PECAM1: variants seen among roughly 807,000 people sequenced by gnomAD.
PECAM1 encodes platelet and endothelial cell adhesion molecule 1.
Under a neutral mutation model 13.8 loss-of-function variants are expected in PECAM1, and 8 were observed. The ratio of observed to expected loss-of-function variants is 0.58; its 90% CI spans 0.34 to 1.05. The LOEUF is 1.05. PECAM1 is among the 50% of genes least tolerant of loss of function. The pLI, the probability that PECAM1 is intolerant of heterozygous loss-of-function variation, is 0.03. For synonymous variants in PECAM1, 136 were observed against 52.6 expected (o/e 2.58, Z -6.86); for missense variants, 304 against 141.2 (o/e 2.15, Z -5.84).
At chr17:64,381,675 G>A (rs2036483511) in intron 2 of PECAM1, among the ~76,000 whole-genome samples, 2 of 152,300 alleles carry the variant, frequency 1.3e-5, no homozygotes, top group African/African-American at 4.8e-5. Flanking sequence ...TCCATGAGAT[G>A]AAACAAGGTG....
intron 5 of PECAM1, among the ~76,000 whole-genome samples, chr17:64,366,039 C>A (rs1401176755): frequency 6.6e-6 from 1 of 151,588 alleles, no homozygotes; most frequent in Admixed American, 6.6e-5. Flanking sequence ...AACAGGCAAC[C>A]TACAAAATGG....
intron 2 of PECAM1, chr17:64,379,126 C>A (rs1386627073): frequency 6.6e-6 from 1 of 152,208 alleles, no homozygotes; most frequent in Non-Finnish European, 1.5e-5. Context: ...CCTCTGCCAA[C>A]GGCAGGAATC....
intron 7 of PECAM1, among the ~76,000 whole-genome samples, chr17:64,358,799 A>G (rs2035905622): frequency 1.3e-5 from 2 of 150,712 alleles, no homozygotes; most frequent in African/African-American, 4.9e-5. Flanking sequence ...TGTTAATGTT[A>G]ATTTTTTTTT....
Position 64,390,469 on chromosome 17 carries a change from A to G in PECAM1, c.91+20T>C. ...GAAGCCAGGTAGAAACATCTGTTAC[A>G]GTGGAAACATCAGACTTACAGTTTT... is the stretch of plus-strand genomic sequence containing the variant. On this transcript the variant is annotated intron_variant, in intron 2 of 15. Coordinates refer to ENST00000563924, the MANE Select transcript of PECAM1 (RefSeq NM_000442.5). The G allele has an allele frequency of 4.2e-6, 2 of 472,830 alleles. No individual in the cohort carries two copies. Among genetic ancestry groups the G allele is most frequent in the Non-Finnish European group, 7.8e-6 (2 of 257,812 alleles). 29.3% of individuals were successfully genotyped at this position (472,830 alleles called of 1,614,324 possible).
At chr17:64,333,412 G>T (rs1372256770) in intron 14 of PECAM1, among the ~76,000 whole-genome samples, 1 of 152,084 alleles carries the variant, frequency 6.6e-6, no homozygotes, top group Non-Finnish European at 1.5e-5. Flanking sequence ...TCTGGCCAGG[G>T]TTTCTCCATG....
intron 13 of PECAM1, among the ~76,000 whole-genome samples, chr17:64,347,360 A>G (rs1248293363): frequency 6.6e-6 from 1 of 151,160 alleles, no homozygotes; most frequent in Non-Finnish European, 1.5e-5. Flanking sequence ...TCTACTAAAA[A>G]TACAAAAAAA....
chr17:64,332,482 T>C (rs1555646970), intron 14 of PECAM1, among the ~76,000 whole-genome samples: 1 of 152,240 alleles, frequency 6.6e-6, no homozygotes, highest in Non-Finnish European at 1.5e-5. Context: ...AGTTCTTGTT[T>C]TTTTGGTAAC....
In PECAM1 at chr17:64,322,921, G is replaced by C. The variant is rs2034842169; in HGVS notation, c.*895C>G. The C allele has an allele frequency of 2.4e-6, 1 of 416,998 alleles. No individual in the cohort carries two copies. Among genetic ancestry groups the C allele is most frequent in the Non-Finnish European group, 3.2e-6 (1 of 310,672 alleles). The allele number at this position is 416,998 out of a possible 1,614,324, so 25.8% of individuals were successfully genotyped here. The stretch of plus-strand genomic sequence containing the variant: ...AGTAGAGACAGGGTTTCATCAGGCT[G>C]GTCTCAAACTCCTGACCTCAGGTGA... On this transcript the variant is annotated 3_prime_UTR_variant, in exon 16 of 16. Coordinates refer to ENST00000563924, the MANE Select transcript of PECAM1 (RefSeq NM_000442.5).
intron 7 of PECAM1, among the ~76,000 whole-genome samples, chr17:64,358,502 C>G (rs1178086508): frequency 6.6e-6 from 1 of 152,132 alleles, no homozygotes; most frequent in Admixed American, 6.5e-5. Context: ...GCCTTCTCTG[C>G]CCACCCATTC....
intron 3 of PECAM1, among the ~76,000 whole-genome samples, chr17:64,376,845 G>A (rs900624328): frequency 7.2e-5 from 11 of 152,058 alleles, no homozygotes; most frequent in Admixed American, 1.3e-4. Flanking sequence ...GCACAGTGGC[G>A]CGTGCCTGTA....
At position 64,375,343 on chromosome 17, in the gene PECAM1, G is replaced by A. The variant is rs2036332392; in HGVS notation, c.399C>T (p.Pro133=). The A allele has an allele frequency of 2.1e-6, 1 of 472,754 alleles. No individual in the cohort carries two copies. The highest frequency in any genetic ancestry group is 3.9e-6 in the Non-Finnish European group (1 of 258,086). The allele number at this position is 472,754 out of a possible 1,614,324, so 29.3% of individuals were successfully genotyped here. A position where few individuals can be genotyped will look rare whatever the true frequency, so the allele number is the denominator to read the frequency against. Residue 133 remains proline (P), a synonymous_variant, in exon 4 of 16, where the codon CCC becomes CCT. Coordinates refer to ENST00000563924, the MANE Select transcript of PECAM1 (RefSeq NM_000442.5). Reference sequence around the variant, plus strand: ...CCTCTTTCTTGTCCAGTGTCACCCTGGGACTGGGCACTCCTACGGGGAAAG... The same window carrying A: ...CCTCTTTCTTGTCCAGTGTCACCCTAGGACTGGGCACTCCTACGGGGAAAG... ...YQVLVEGVPS[P]RVTLDKKEAI...
At chr17:64,390,049 AAAAAG>A (rs1379218483) in intron 2 of PECAM1, 1 of 155,336 alleles carries the variant, frequency 6.4e-6, no homozygotes, top group Non-Finnish European at 1.4e-5. Flanking sequence ...GTCTCAAAAA[AAAAAG>A]GAAAAAAAAA....
In PECAM1 at chr17:64,381,554, T is replaced by C. The variant is rs965487409; in HGVS notation, c.92-3437A>G. Among the ~76,000 whole-genome samples the C allele has an allele frequency of 1.0e-3, 157 of 152,336 alleles. No individual in the cohort carries two copies. The Middle Eastern group carries it at 0.024, about 23-fold the overall frequency. ...ACAAAGTTAGGCCTTTGTTGGGTAA[T>C]TTAAAATTTAATCTTCAATTTTAAA... On this transcript the variant is annotated intron_variant, in intron 2 of 15. Transcript: ENST00000563924.
At chr17:64,336,655 C>T (rs1306479214) in intron 14 of PECAM1, among the ~76,000 whole-genome samples, 2 of 152,146 alleles carry the variant, frequency 1.3e-5, no homozygotes, top group Non-Finnish European at 2.9e-5. Context: ...GAGGCCAAGG[C>T]GGGCAGATCA....
chr17:64,386,403 C>T (rs1389364419), intron 2 of PECAM1, among the ~76,000 whole-genome samples: 67 of 113,120 alleles, frequency 5.9e-4, no homozygotes, highest in African/African-American at 2.1e-3. Context: ...GAGACTCTGT[C>T]AAAAAAAAAA....
rs907518852 is a variant in PECAM1, at chr17:64,390,761, G to A, written c.-96C>T. The A allele has an allele frequency of 8.4e-5, 34 of 403,120 alleles. No homozygotes were observed. Among genetic ancestry groups the A allele is most frequent in the Middle Eastern group, 1.2e-3 (2 of 1,612 alleles). The allele number at this position is 403,120 out of a possible 1,614,324, so 25.0% of individuals were successfully genotyped here. A position where few individuals can be genotyped will look rare whatever the true frequency, so the allele number is the denominator to read the frequency against. ...CCCACAAGTCACCGTTGAGAAACCC[G>A]CCCTGTGAAAAGCAGAAATTGCTCT... On this transcript the variant is annotated 5_prime_UTR_variant, in exon 1 of 16. Coordinates refer to ENST00000563924, the MANE Select transcript of PECAM1 (RefSeq NM_000442.5).
At chr17:64,337,003 AAGAG>A (rs1212203713) in intron 14 of PECAM1, among the ~76,000 whole-genome samples, 2 of 152,000 alleles carry the variant, frequency 1.3e-5, no homozygotes, top group East Asian at 1.9e-4. Context: ...GAGAGAAAGA[AAGAG>A]AGAGAGAGAA....
At chr17:64,387,962 C>T (rs2036634287) in intron 2 of PECAM1, among the ~76,000 whole-genome samples, 3 of 152,304 alleles carry the variant, frequency 2.0e-5, no homozygotes, top group African/African-American at 4.8e-5. Context: ...AGACCTGGTT[C>T]CAGCCGCCGC....
At chr17:64,367,851 A>T (rs1035592596) in intron 5 of PECAM1, among the ~76,000 whole-genome samples, 2 of 152,330 alleles carry the variant, frequency 1.3e-5, no homozygotes, top group East Asian at 3.9e-4. Context: ...TCAGTAAAAA[A>T]ATACCATGAG....
Sources: gnomAD v4.1 joint callset for allele counts (sites outside exome capture counted in the v4.1 genomes callset) on GRCh38, gnomAD v4.1.1 for gene constraint, MANE v1.5 for transcripts, NCBI Gene and HGNC (gene_info 2026-07-23, HGNC 2026-07-21) for gene names.